The following SIAE variants were observed in gnomAD, a reference collection of about 807,000 sequenced individuals.
SIAE encodes sialate O-acetylesterase.
Under a neutral mutation model 52.6 loss-of-function variants are expected in SIAE, and 39 were observed. That is an observed-to-expected ratio of 0.74 (90% confidence interval 0.57 to 0.97). The LOEUF (loss-of-function observed/expected upper bound fraction) is 0.97. Ranked by LOEUF, SIAE falls within the 50% of genes least tolerant of loss-of-function variation. The pLI is 0.00. For missense variants in SIAE, 592 were observed against 662.1 expected (o/e 0.89, Z 1.16); for synonymous variants, 233 against 241.4 (o/e 0.97, Z 0.32).
Position 124,647,424 on chromosome 11 carries a change from T to C in SIAE, c.907A>G (p.Thr303Ala), listed in dbSNP as rs1397667870. ...FPALIEDWRE[T>A]FHRGSQGQTE... ...TGCCCCTGGGAACCACGGTGGAAGGTTTCACGCCAGTCTTCGATGAGTGCA... is the reference window on the plus strand; with the variant it reads ...TGCCCCTGGGAACCACGGTGGAAGGCTTCACGCCAGTCTTCGATGAGTGCA... The change falls in exon 7 of 10, where the codon ACC becomes GCC. Residue 303 changes from threonine to alanine, a missense_variant. Transcript: ENST00000263593. 6.2e-7 allele frequency: 1 copy of C among 1,614,162 alleles called. No homozygotes were observed. The highest frequency in any genetic ancestry group is 1.7e-5 in the Admixed American group (1 of 60,018).
At chr11:124,654,482 T>G in intron 4 of SIAE, 173 bp downstream of exon 4, 3 of 985,422 alleles carry the variant, frequency 3.0e-6, no homozygotes, top group Non-Finnish European at 3.6e-6. Flanking sequence ...GTTGGTAGTC[T>G]TGGGAAGAAA....
At chr11:124,650,512 C>A (rs1435759639) in intron 4 of SIAE, among the ~76,000 whole-genome samples, 3 of 152,182 alleles carry the variant, frequency 2.0e-5, no homozygotes, top group African/African-American at 7.2e-5. Context: ...GTGGCTCACA[C>A]CTATAATCCC....
intron 3 of SIAE, among the ~76,000 whole-genome samples, chr11:124,656,747 T>C (rs1287528350): frequency 6.6e-6 from 1 of 152,176 alleles, no homozygotes; most frequent in Non-Finnish European, 1.5e-5. Flanking sequence ...TCTATCCCCC[T>C]GGACTGGCCC....
rs1942686913 is a variant in SIAE at position 124,634,774 on chromosome 11, C to A, written c.*2177G>T. 1 of 151,968 alleles carries A rather than the reference C, an allele frequency of 6.6e-6. No individual in the cohort carries two copies. Among genetic ancestry groups the A allele is most frequent in the Admixed American group, 6.6e-5 (1 of 15,246 alleles). The allele number at this position is 151,968 out of a possible 1,614,324, so 9.4% of individuals were successfully genotyped here. ...AATTATTTTGGTAAAGTAAGTAAGT[C>A]AAAAACACAGATTACAAAATAATAT... On this transcript the variant is annotated 3_prime_UTR_variant, in exon 10 of 10. Transcript: ENST00000263593.
intron 7 of SIAE, among the ~76,000 whole-genome samples, chr11:124,640,929 G>A (rs1307885056): frequency 6.6e-6 from 1 of 152,142 alleles, no homozygotes; most frequent in African/African-American, 2.4e-5. Context: ...GACCCACAGA[G>A]GTCTGAAAGA....
At chr11:124,637,352 C>T (rs1335032856) in intron 9 of SIAE, 150 bp from the exon 10 acceptor site, 2 of 994,906 alleles carry the variant, frequency 2.0e-6, no homozygotes. Flanking sequence ...AACCTGAGCC[C>T]ACTTTGGATC....
upstream of SIAE, chr11:124,674,259 C>G (rs1160674963): frequency 1.3e-5 from 2 of 152,490 alleles, no homozygotes; most frequent in African/African-American, 4.8e-5. Context: ...AGAGAGGAGT[C>G]AGGCGTGGTG....
rs184189750 is a variant in SIAE, at chr11:124,656,443, T to A, written c.406-1650A>T. The stretch of plus-strand genomic sequence containing the variant: ...ACAGCTCAGAACAGTCCCAAGGAAT[T>A]AAAGAAGAGGGTCCCTCCAAAGATA... On this transcript the variant is annotated intron_variant, in intron 3 of 9. Coordinates refer to ENST00000263593, the MANE Select transcript of SIAE (RefSeq NM_170601.5). Among the ~76,000 whole-genome samples, 437 of 152,188 alleles carry A rather than the reference T, an allele frequency of 2.9e-3. 3 individuals are homozygous for A. Among genetic ancestry groups the A allele is most frequent in the Non-Finnish European group, 4.7e-3 (321 of 67,994 alleles).
intron 3 of SIAE, among the ~76,000 whole-genome samples, chr11:124,657,262 C>T (rs1051670093): frequency 7.2e-5 from 11 of 152,128 alleles, no homozygotes; most frequent in African/African-American, 2.7e-4. Context: ...AAAGTAAACA[C>T]GAAGGAGTAA....
upstream of SIAE, chr11:124,673,801 T>C (rs1330780264): frequency 2.1e-6 from 3 of 1,451,292 alleles, no homozygotes; most frequent in South Asian, 1.2e-5. Context: ...TCCACCCTTT[T>C]GCAGTCCTCG....
intron 2 of SIAE, among the ~76,000 whole-genome samples, chr11:124,663,722 G>C (rs556034717): frequency 1.6e-4 from 25 of 152,202 alleles, no homozygotes; most frequent in Non-Finnish European, 2.6e-4. Context: ...GAACTGGCTG[G>C]TCCTTAGCTT....
rs1943175488 is a variant in SIAE, at chr11:124,660,766, C to T, written c.267G>A (p.Met89Ile). ...TCACTTCGAAAGGTCCTCCAGGCTT[C>T]ATAGGATCCAGTACCACCATCCACG... ...SDTWMVVLDP[M>I]KPGGPFEVMA... The change falls in exon 3 of 10, where the codon ATG becomes ATA. Residue 89 changes from methionine (M) to isoleucine (I), a missense_variant. Coordinates refer to ENST00000263593, the MANE Select transcript of SIAE (RefSeq NM_170601.5). 1 of 1,614,180 alleles carries T rather than the reference C, an allele frequency of 6.2e-7. No homozygotes were observed. The highest frequency in any genetic ancestry group is 8.5e-7 in the Non-Finnish European group (1 of 1,180,044).
At chr11:124,649,917 G>T in intron 4 of SIAE, 121 bp from the exon 5 acceptor site, 1 of 917,378 alleles carries the variant, frequency 1.1e-6, no homozygotes, top group Non-Finnish European at 1.7e-6. Flanking sequence ...TGTTTTCTAA[G>T]ACTTTCAAAA....
Position 124,647,427 on chromosome 11 carries a change from C to CA in SIAE, c.903dup (p.Glu302Ter). On this transcript the variant is annotated frameshift_variant, in exon 7 of 10. Transcript: ENST00000263593. LOFTEE classifies it high-confidence loss of function. ...CCCTGGGAACCACGGTGGAAGGTTTCACGCCAGTCTTCGATGAGTGCAGGG... is the reference window on the plus strand; with the variant it reads ...CCCTGGGAACCACGGTGGAAGGTTTCAACGCCAGTCTTCGATGAGTGCAGGG... 1 of 1,614,216 alleles carries CA rather than the reference C, an allele frequency of 6.2e-7. No homozygotes were observed. Among genetic ancestry groups the CA allele is most frequent in the Non-Finnish European group, 8.5e-7 (1 of 1,180,042 alleles).
rs1377266198 is a variant in SIAE at position 124,636,003 on chromosome 11, A to C, written c.*948T>G. 1 of 152,108 alleles carries C rather than the reference A, an allele frequency of 6.6e-6. No individual in the cohort carries two copies. Among genetic ancestry groups the C allele is most frequent in the African/African-American group, 2.4e-5 (1 of 41,402 alleles). The allele number at this position is 152,108 out of a possible 1,614,324, so 9.4% of individuals were successfully genotyped here. ...TCAGCCTCACTCTTTTCTTCTTCCA[A>C]ATGGATTATCCTTAAACCTTTTACC... On this transcript the variant is annotated 3_prime_UTR_variant, in exon 10 of 10. Transcript: ENST00000263593.
intron 7 of SIAE, among the ~76,000 whole-genome samples, chr11:124,640,137 T>A (rs1230173574): frequency 6.6e-6 from 1 of 152,128 alleles, no homozygotes; most frequent in East Asian, 1.9e-4. Flanking sequence ...AGGATTTGCT[T>A]TGACCCATAG....
intron 1 of SIAE, chr11:124,669,758 C>T: frequency 1.9e-6 from 1 of 521,720 alleles, no homozygotes; most frequent in South Asian, 2.0e-5. Context: ...ATTCCCAGAG[C>T]CCAAGGCAAC....
Position 124,654,802 on chromosome 11 carries a change from G to C in SIAE, c.406-9C>G. On this transcript the variant is annotated splice_polypyrimidine_tract_variant and intron_variant, in intron 3 of 9. Coordinates refer to ENST00000263593, the MANE Select transcript of SIAE (RefSeq NM_170601.5). ...CTTGTAGCATTAAATATCTGGAAAAGAAATTGAAACGTCATTTAACCTAGC... is the reference window on the plus strand; with the variant it reads ...CTTGTAGCATTAAATATCTGGAAAACAAATTGAAACGTCATTTAACCTAGC... The C allele has an allele frequency of 6.2e-7, 1 of 1,612,992 alleles. No individual in the cohort carries two copies. Among genetic ancestry groups the C allele is most frequent in the Non-Finnish European group, 8.5e-7 (1 of 1,180,004 alleles).
Position 124,637,024 on chromosome 11 carries a change from GCACTACTGGGGTGGTATAGGGGA to G in SIAE, c.1476_1498del (p.Leu494AlafsTer22). The stretch of plus-strand genomic sequence containing the variant: ...AGCAATGAAGGGAGGGGCTGGCAGG[GCACTACTGGGGTGGTATAGGGGA>G]CACTGCTTATATTCACAAGGCCACG... On this transcript the variant is annotated frameshift_variant, in exon 10 of 10. Coordinates refer to ENST00000263593, the MANE Select transcript of SIAE (RefSeq NM_170601.5). LOFTEE classifies it low-confidence loss of function (END_TRUNC). The G allele has an allele frequency of 6.2e-7, 1 of 1,614,164 alleles. No homozygotes were observed. The highest frequency in any genetic ancestry group is 8.5e-7 in the Non-Finnish European group (1 of 1,180,022).
Sources: gnomAD v4.1 joint callset for allele counts (sites outside exome capture counted in the v4.1 genomes callset) on GRCh38, gnomAD v4.1.1 for gene constraint, MANE v1.5 for transcripts, NCBI Gene and HGNC (gene_info 2026-07-23, HGNC 2026-07-21) for gene names.